The following DMD variants were observed in gnomAD, a reference collection of about 807,000 sequenced individuals.
The protein encoded by DMD is dystrophin, also known as mutant dystrophin.
In DMD, 63 loss-of-function variants were observed where a neutral mutation model predicts 330.1. The ratio of observed to expected loss-of-function variants is 0.19; its 90% CI spans 0.16 to 0.24. DMD has a LOEUF of 0.24. DMD is among the 10% of genes least tolerant of loss of function. The probability of loss-of-function intolerance (pLI) is 1.00; values close to 1 mark genes in which losing one functional copy is unlikely to be tolerated. For synonymous variants in DMD, 1,223 were observed against 959.8 expected, an observed-to-expected ratio of 1.27 and a Z score of -5.07; for missense variants, 3,344 against 2,684.1, an observed-to-expected ratio of 1.25 and a Z score of -5.43.
chrX:32,632,278 T>TG (rs771925187), intron 11 of DMD, among the ~76,000 whole-genome samples: 185 of 111,835 alleles, frequency 1.7e-3, no homozygotes, highest in African/African-American at 5.8e-3. Flanking sequence ...CCCAAGGCCT[T>TG]GGGCAGACTC....
intron 9 of DMD, among the ~76,000 whole-genome samples, chrX:32,673,049 G>C (rs906039537): frequency 1.8e-5 from 2 of 111,556 alleles, no homozygotes; most frequent in South Asian, 7.4e-4. Flanking sequence ...GTATGTGTAT[G>C]TGTGTGCATG....
At chrX:32,757,167 G>A (rs760939468) in intron 7 of DMD, among the ~76,000 whole-genome samples, 2 of 111,146 alleles carry the variant, frequency 1.8e-5, no homozygotes, top group Non-Finnish European at 3.8e-5. Flanking sequence ...TACCTCACAT[G>A]CTTGTGAGAA....
chrX:31,293,216 T>TCTGGTTTA (rs1569519886), intron 62 of DMD, among the ~76,000 whole-genome samples: 6 of 94,345 alleles, frequency 6.4e-5, no homozygotes, highest in African/African-American at 2.8e-4. Context: ...TGTGTGTGTG[T>TCTGGTTTA]GTGTGTGTGT....
chrX:32,600,596 A>ACG (rs752620512), intron 12 of DMD, among the ~76,000 whole-genome samples: 3 of 67,030 alleles, frequency 4.5e-5, no homozygotes, highest in African/African-American at 2.0e-4. Context: ...AAACACGCAC[A>ACG]CGCACACACA....
chrX:32,174,669 C>A (rs1415184634), intron 44 of DMD, among the ~76,000 whole-genome samples: 1 of 111,953 alleles, frequency 8.9e-6, no homozygotes, highest in Non-Finnish European at 1.9e-5. Context: ...TCTTTGGAAG[C>A]TATGGTAAAT....
chrX:32,990,216 T>C (rs1006527763), intron 2 of DMD, among the ~76,000 whole-genome samples: 5 of 111,697 alleles, frequency 4.5e-5, no homozygotes, highest in African/African-American at 1.6e-4. Flanking sequence ...GAGGTACTTG[T>C]TTTCCTTTTA....
intron 44 of DMD, among the ~76,000 whole-genome samples, chrX:32,037,753 A>G (rs148381231): frequency 0.037 from 4,114 of 112,000 alleles, 71 homozygotes; most frequent in Non-Finnish European, 0.059. Flanking sequence ...TTAGAAAGTA[A>G]CTAGCATAAT....
intron 7 of DMD, among the ~76,000 whole-genome samples, chrX:32,727,349 G>A (rs1224933262): frequency 9.0e-6 from 1 of 111,043 alleles, no homozygotes; most frequent in East Asian, 2.8e-4. Flanking sequence ...TGAATTCATT[G>A]AGACTTGTAT....
intron 41 of DMD, among the ~76,000 whole-genome samples, chrX:32,329,596 T>TTA (rs2097668884): frequency 8.9e-6 from 1 of 112,302 alleles, no homozygotes; most frequent in Non-Finnish European, 1.9e-5. Context: ...GTGACCGATA[T>TTA]TATTCATGTT....
chrX:32,527,653 C>T (rs1291605297), intron 17 of DMD, among the ~76,000 whole-genome samples: 2 of 110,878 alleles, frequency 1.8e-5, no homozygotes, highest in African/African-American at 6.6e-5. Flanking sequence ...ATAAAAATAT[C>T]AAATGAAATT....
intron 48 of DMD, among the ~76,000 whole-genome samples, chrX:31,838,247 G>A (rs2093246368): frequency 9.0e-6 from 1 of 111,557 alleles, no homozygotes; most frequent in South Asian, 3.7e-4. Context: ...TGTAGTAAAT[G>A]GTGATATGGT....
chrX:32,481,768 T>A (rs1391077485), intron 21 of DMD, among the ~76,000 whole-genome samples: 1 of 112,165 alleles, frequency 8.9e-6, no homozygotes, highest in Non-Finnish European at 1.9e-5. Context: ...GCAATAATAT[T>A]CAGATATTCA....
chrX:32,730,515 A>C (rs761110244), intron 7 of DMD, among the ~76,000 whole-genome samples: 2 of 112,141 alleles, frequency 1.8e-5, no homozygotes, highest in Non-Finnish European at 3.8e-5. Context: ...CATAGGACAG[A>C]AGAGTGTCTT....
intron 44 of DMD, among the ~76,000 whole-genome samples, chrX:32,018,305 T>A (rs909563144): frequency 1.8e-5 from 2 of 111,772 alleles, no homozygotes; most frequent in African/African-American, 6.5e-5. Context: ...TAACAACTCA[T>A]CCCACTGTAA....
chrX:32,098,158 T>C (rs963922446), intron 44 of DMD, among the ~76,000 whole-genome samples: 2 of 112,018 alleles, frequency 1.8e-5, no homozygotes, highest in Non-Finnish European at 1.9e-5. Context: ...ATATTTGTAA[T>C]TTATGTGTAT....
chrX:32,912,266 G>T (rs889753198), intron 2 of DMD, among the ~76,000 whole-genome samples: 6 of 110,696 alleles, frequency 5.4e-5, no homozygotes, highest in Non-Finnish European at 1.1e-4. Flanking sequence ...AGGAAGAGAA[G>T]CACTCTTGTG....
intron 12 of DMD, among the ~76,000 whole-genome samples, chrX:32,609,235 T>C (rs775998294): frequency 1.4e-4 from 15 of 110,889 alleles, no homozygotes; most frequent in Non-Finnish European, 2.3e-4. Context: ...CCTCTTAACA[T>C]GTTTTCCGGC....
chrX:31,334,780 C>T (rs2148389042), intron 61 of DMD, among the ~76,000 whole-genome samples: 1 of 111,705 alleles, frequency 9.0e-6, no homozygotes, highest in South Asian at 3.8e-4. Context: ...TTGATAAGAC[C>T]CTTCCTCGTC....
chrX:31,172,821 T>C (rs936210980), intron 72 of DMD, among the ~76,000 whole-genome samples: 3 of 111,768 alleles, frequency 2.7e-5, no homozygotes, highest in Non-Finnish European at 5.7e-5. Flanking sequence ...CTTTTCACGA[T>C]TGGTAAACAT....
Sources: allele counts gnomAD v4.1 joint callset (sites outside exome capture counted in the v4.1 genomes callset), GRCh38; gene constraint gnomAD v4.1.1; transcripts MANE v1.5; gene names NCBI Gene and HGNC (gene_info 2026-07-23, HGNC 2026-07-21).